KNDC1: variants seen among roughly 807,000 people sequenced by gnomAD.
The protein encoded by KNDC1 is kinase non-catalytic C-lobe domain containing 1, also known as kinase non-catalytic C-lobe domain-containing protein 1.
In KNDC1, 106 loss-of-function variants were observed where a neutral mutation model predicts 172.8. The observed-to-expected ratio is 0.61, with a 90% CI of 0.52 to 0.72. The LOEUF (loss-of-function observed/expected upper bound fraction) is 0.72, where lower values mean the gene tolerates loss of function less well. KNDC1 is among the 30% of genes least tolerant of loss of function. The probability of loss-of-function intolerance (pLI) is 0.00; values close to 1 mark genes in which losing one functional copy is unlikely to be tolerated. For synonymous variants in KNDC1, 1,083 were observed against 1,062.2 expected, an observed-to-expected ratio of 1.02 and a Z score of -0.38; for missense variants, 2,325 against 2,394.5, an observed-to-expected ratio of 0.97 and a Z score of 0.61.
At chr10:133,208,130 AGC>A (rs1311182114) in intron 20 of KNDC1, among the ~76,000 whole-genome samples, 2 of 152,148 alleles carry the variant, frequency 1.3e-5, no homozygotes, top group South Asian at 4.1e-4. Context: ...CATGGGGCCC[AGC>A]AAAGGACGCC....
Position 133,197,083 on chromosome 10 carries a change from G to A in KNDC1, c.1760G>A (p.Arg587Gln), listed in dbSNP as rs778600479. Reference protein sequence around the residue: ...IKVCGSYLLQRGMDSRKILAH... With the variant: ...IKVCGSYLLQQGMDSRKILAH... ...GTGTGCGGCAGCTACCTCCTCCAGC[G>A]AGGCATGGACAGCCGGAAAATCCTT... is the stretch of plus-strand genomic sequence containing the variant. The change falls in exon 11 of 30, where the codon CGA becomes CAA. Residue 587 changes from arginine to glutamine, a missense_variant. Arg to Gln is a conservative substitution (Grantham distance 43). Coordinates refer to ENST00000304613, the MANE Select transcript of KNDC1 (RefSeq NM_152643.8). 18 of 1,613,208 alleles carry A rather than the reference G, an allele frequency of 1.1e-5. No individual in the cohort carries two copies. Among genetic ancestry groups the A allele is most frequent in the South Asian group, 6.6e-5 (6 of 91,082 alleles).
At chr10:133,208,086 C>T (rs1180092803) in intron 20 of KNDC1, among the ~76,000 whole-genome samples, 2 of 152,202 alleles carry the variant, frequency 1.3e-5, no homozygotes, top group South Asian at 2.1e-4. Flanking sequence ...ATGACACCAC[C>T]TTGGAGCCCC....
chr10:133,182,119 G>A (rs943404892), intron 3 of KNDC1, among the ~76,000 whole-genome samples: 6 of 152,176 alleles, frequency 3.9e-5, no homozygotes, highest in Non-Finnish European at 8.8e-5. Context: ...TGACAGAGAG[G>A]GGGAGTCGGC....
intron 21 of KNDC1, among the ~76,000 whole-genome samples, 159 bp from the exon 22 acceptor site, chr10:133,211,263 C>T (rs969263330): frequency 1.3e-5 from 2 of 151,370 alleles, no homozygotes; most frequent in African/African-American, 4.9e-5. Flanking sequence ...GCTCCTGCCT[C>T]GGGGGAGGGA....
chr10:133,177,356 G>A (rs1324396832), intron 3 of KNDC1, among the ~76,000 whole-genome samples: 1 of 152,186 alleles, frequency 6.6e-6, no homozygotes, highest in Non-Finnish European at 1.5e-5. Flanking sequence ...TGCATGGCAT[G>A]CTATGTCTGT....
intron 6 of KNDC1, 23 bp from the exon 7 acceptor site, chr10:133,188,516 C>A: frequency 6.7e-7 from 1 of 1,487,434 alleles, no homozygotes; most frequent in Non-Finnish European, 9.1e-7. Context: ...TCCACACTGA[C>A]CTCGCCGCTC....
At position 133,197,686 on chromosome 10, in the gene KNDC1, G is replaced by A. The variant is rs1854233757; in HGVS notation, c.1824G>A (p.Glu608=). Residue 608 remains glutamate (E), a synonymous_variant, in exon 12 of 30, where the codon GAG becomes GAA. Transcript: ENST00000304613. ...LRASICQVYQ[E]EETISLQNAF... ...CACCTCCTCCCCAGGTGTACCAGGA[G>A]GAAGAGACCATCAGCCTCCAAAACG... 8 of 1,612,988 alleles carry A rather than the reference G, an allele frequency of 5.0e-6. No homozygotes were observed. The highest frequency in any genetic ancestry group is 1.3e-5 in the African/African-American group (1 of 75,012).
At chr10:133,182,966 ACAGGCG>A (rs1853764788) in intron 3 of KNDC1, among the ~76,000 whole-genome samples, 3 of 140,302 alleles carry the variant, frequency 2.1e-5, no homozygotes, top group African/African-American at 5.4e-5. Context: ...CGGTGTGGGC[ACAGGCG>A]GTGTGGGCAC....
chr10:133,176,131 T>A (rs1265025017), intron 3 of KNDC1, among the ~76,000 whole-genome samples: 1 of 148,746 alleles, frequency 6.7e-6, no homozygotes, highest in African/African-American at 2.5e-5. Flanking sequence ...AACAGGCAGA[T>A]GTATGGGTGG....
chr10:133,200,592 G>A, intron 16 of KNDC1, 132 bp downstream of exon 16: 1 of 710,038 alleles, frequency 1.4e-6, no homozygotes, highest in Admixed American at 4.2e-5. Context: ...CTTTGCCCCG[G>A]GGGTGCCCAG....
intron 9 of KNDC1, among the ~76,000 whole-genome samples, chr10:133,191,517 TG>T (rs1197234346): frequency 6.6e-6 from 1 of 152,106 alleles, no homozygotes; most frequent in African/African-American, 2.4e-5. Flanking sequence ...CTCGCCAACA[TG>T]GTGAAACCTC....
At chr10:133,181,452 G>A (rs1056315822) in intron 3 of KNDC1, among the ~76,000 whole-genome samples, 6 of 152,218 alleles carry the variant, frequency 3.9e-5, no homozygotes, top group Non-Finnish European at 8.8e-5. Flanking sequence ...GGTGCCAGGC[G>A]AGCCGTGAGG....
chr10:133,213,751 G>A (rs1397627576), intron 25 of KNDC1, 24 bp downstream of exon 25: 2 of 1,608,410 alleles, frequency 1.2e-6, no homozygotes, highest in Non-Finnish European at 1.7e-6. Context: ...ACCCTCAGCT[G>A]GGAGCGGTGG....
intron 7 of KNDC1, among the ~76,000 whole-genome samples, chr10:133,189,177 T>C (rs1345195490): frequency 2.6e-5 from 4 of 151,982 alleles, no homozygotes; most frequent in Admixed American, 1.3e-4. Context: ...CTGGGGGTGA[T>C]GAGGGCAGCA....
Position 133,188,637 on chromosome 10 carries a change from A to G in KNDC1, c.1425A>G (p.Thr475=). ...LCLACLRALQ[T]RPEHPAYLCL... The stretch of plus-strand genomic sequence containing the variant: ...TGGCCTGCCTCCGCGCACTGCAGAC[A>G]CGCCCTGAGCACCCAGGTGACGCAC... The change falls in exon 7 of 30, where the codon ACA becomes ACG. Residue 475 remains threonine, a synonymous_variant. Coordinates refer to ENST00000304613, the MANE Select transcript of KNDC1 (RefSeq NM_152643.8). The G allele has an allele frequency of 6.3e-7, 1 of 1,588,910 alleles. No homozygotes were observed. The highest frequency in any genetic ancestry group is 8.5e-7 in the Non-Finnish European group (1 of 1,170,892).
chr10:133,218,084 T>C (rs985257376), intron 26 of KNDC1, among the ~76,000 whole-genome samples: 9 of 147,130 alleles, frequency 6.1e-5, no homozygotes, highest in South Asian at 2.1e-4. Flanking sequence ...AAAGAGTCGA[T>C]CCGGGGCATG....
chr10:133,223,539 C>T (rs538196676), intron 29 of KNDC1, among the ~76,000 whole-genome samples: 20 of 61,304 alleles, frequency 3.3e-4, no homozygotes, highest in African/African-American at 9.5e-4. Context: ...ATGCTCTTCC[C>T]GGCGTGTGTG....
chr10:133,197,026 G>A (rs1322490183), intron 10 of KNDC1, 32 bp from the exon 11 acceptor site: 3 of 1,581,234 alleles, frequency 1.9e-6, no homozygotes, highest in Non-Finnish European at 1.7e-6. Flanking sequence ...GCTGAGGCCT[G>A]TCGGGACGTG....
chr10:133,198,609 G>C lies in KNDC1; in HGVS notation c.2101G>C (p.Glu701Gln). 1 of 1,600,778 alleles carries C rather than the reference G, an allele frequency of 6.2e-7. No homozygotes were observed. The highest frequency in any genetic ancestry group is 8.5e-7 in the Non-Finnish European group (1 of 1,173,534). The stretch of plus-strand genomic sequence containing the variant: ...GCCTGCCTTGGCCCAGGAGGAGTCC[G>C]AGGAGAGGGGCGGCCAGAGGGAGGG... ...DQPALAQEES[E>Q]ERGGQREGEG... is the part of the protein sequence containing the mutation. The change falls in exon 14 of 30, where the codon GAG (glutamate) becomes CAG (glutamine). Residue 701 changes from glutamate (E) to glutamine (Q), a missense_variant. Glu to Gln is a conservative substitution (Grantham distance 29). Transcript: ENST00000304613.
Sources: allele counts gnomAD v4.1 joint callset (sites outside exome capture counted in the v4.1 genomes callset), GRCh38; gene constraint gnomAD v4.1.1; transcripts MANE v1.5; gene names NCBI Gene and HGNC (gene_info 2026-07-23, HGNC 2026-07-21).